Variants in TBC1D5 observed in about 807,000 individuals in gnomAD.
TBC1D5 encodes the protein TBC1 domain family, member 5.
In TBC1D5, 75 loss-of-function variants were observed where a neutral mutation model predicts 100.3. The ratio of observed to expected loss-of-function variants is 0.75; its 90% CI spans 0.62 to 0.91. The LOEUF (loss-of-function observed/expected upper bound fraction) is 0.91, where lower values mean the gene tolerates loss of function less well. TBC1D5 is among the 40% of genes least tolerant of loss of function. The probability of loss-of-function intolerance (pLI) is 0.00; values close to 1 mark genes in which losing one functional copy is unlikely to be tolerated. For missense variants in TBC1D5, 910 were observed against 942.4 expected, an observed-to-expected ratio of 0.97 and a Z score of 0.45; for synonymous variants, 323 against 325.6, an observed-to-expected ratio of 0.99 and a Z score of 0.09.
At chr3:17,676,372 GC>G (rs1477016215) in intron 1 of TBC1D5, among the ~76,000 whole-genome samples, 2 of 152,042 alleles carry the variant, frequency 1.3e-5, no homozygotes, top group Non-Finnish European at 1.5e-5. Context: ...CAAACAGAGG[GC>G]CAAATCACGA....
intron 19 of TBC1D5, among the ~76,000 whole-genome samples, chr3:17,176,705 T>G (rs1406924929): frequency 1.3e-5 from 2 of 151,666 alleles, no homozygotes; most frequent in Non-Finnish European, 2.9e-5. Flanking sequence ...ATGTAGATGA[T>G]GGGTTGATGG....
intron 14 of TBC1D5, among the ~76,000 whole-genome samples, chr3:17,301,068 C>CAG (rs2082773956): frequency 8.1e-6 from 1 of 123,730 alleles, no homozygotes. Context: ...AACTCCGTCT[C>CAG]AGAAAAAAAA....
chr3:17,303,835 T>C (rs1270114100), intron 14 of TBC1D5, among the ~76,000 whole-genome samples: 1 of 47,718 alleles, frequency 2.1e-5, no homozygotes, highest in Non-Finnish European at 4.8e-5. Context: ...ATCTACCTCT[T>C]TTTTTTTTTT....
At chr3:17,467,625 C>T (rs1047174291) in intron 3 of TBC1D5, among the ~76,000 whole-genome samples, 1 of 151,890 alleles carries the variant, frequency 6.6e-6, no homozygotes, top group African/African-American at 2.4e-5. Context: ...CAGTGGCTCA[C>T]GCATGTAAGG....
intron 3 of TBC1D5, among the ~76,000 whole-genome samples, chr3:17,472,737 C>T (rs180840478): frequency 7.2e-5 from 11 of 152,294 alleles, no homozygotes; most frequent in Admixed American, 5.9e-4. Flanking sequence ...TAAACAGCTA[C>T]TGAAAGAAGA....
chr3:17,712,293 T>C (rs1485098548), intron 1 of TBC1D5, among the ~76,000 whole-genome samples: 2 of 152,122 alleles, frequency 1.3e-5, no homozygotes, highest in East Asian at 3.9e-4. Flanking sequence ...ACAGAACTGA[T>C]GAACAAGAAT....
chr3:17,226,032 G>T (rs2074853609), intron 17 of TBC1D5, among the ~76,000 whole-genome samples: 1 of 151,808 alleles, frequency 6.6e-6, no homozygotes, highest in Non-Finnish European at 1.5e-5. Flanking sequence ...ATCCCCCACA[G>T]ATACTGAGGG....
At chr3:17,501,851 C>T (rs1159301487) in intron 3 of TBC1D5, among the ~76,000 whole-genome samples, 2 of 149,536 alleles carry the variant, frequency 1.3e-5, no homozygotes, top group African/African-American at 2.5e-5. Context: ...TTCAACTTGT[C>T]TCCAAGGTTA....
intron 13 of TBC1D5, among the ~76,000 whole-genome samples, chr3:17,327,194 C>T (rs1429724971): frequency 3.3e-5 from 5 of 152,098 alleles, no homozygotes; most frequent in Middle Eastern, 3.2e-3. Context: ...AATCTCTGTC[C>T]TCATGAAGTT....
At chr3:17,433,238 A>G (rs2094475944) in intron 3 of TBC1D5, among the ~76,000 whole-genome samples, 1 of 152,230 alleles carries the variant, frequency 6.6e-6, no homozygotes, top group Non-Finnish European at 1.5e-5. Context: ...AGCAGCGGAC[A>G]TGAATAGAAC....
rs1205997540 is a variant in TBC1D5 at position 17,197,480 on chromosome 3, G to A, written c.1753-12272C>T. 2.1e-4 allele frequency among the ~76,000 whole-genome samples: 32 copies of A among 152,026 alleles called. 1 individual carries two copies. Among genetic ancestry groups the A allele is most frequent in the Admixed American group, 2.0e-3 (31 of 15,246 alleles). ...CAGCCCTGAACTCCTAGGTTTAAGC[G>A]ATCTTTTCACCTCAACCTCCCAAAT... On this transcript the variant is annotated intron_variant, in intron 18 of 21. Coordinates refer to ENST00000253692, the Ensembl canonical transcript of TBC1D5.
intron 2 of TBC1D5, among the ~76,000 whole-genome samples, chr3:17,551,980 G>A (rs909465490): frequency 6.6e-6 from 1 of 151,926 alleles, no homozygotes; most frequent in Non-Finnish European, 1.5e-5. Flanking sequence ...AACACATATG[G>A]TATGTGTTGA....
chr3:17,559,685 G>C (rs1301955883), intron 2 of TBC1D5, among the ~76,000 whole-genome samples: 1 of 151,682 alleles, frequency 6.6e-6, no homozygotes, highest in African/African-American at 2.4e-5. Context: ...CACGTCCTGG[G>C]TTCAAGCGAT....
At position 17,280,538 on chromosome 3, in the gene TBC1D5, T is replaced by C. The variant is rs538394954; in HGVS notation, c.1245+11357A>G. On this transcript the variant is annotated intron_variant, in intron 15 of 21. Coordinates refer to ENST00000253692, the Ensembl canonical transcript of TBC1D5. Reference sequence around the variant, plus strand: ...AGAGAAGAGGAGAAGCAGCTAGACATTGGAGACTATGGTTTGACGTCAAAG... The same window carrying C: ...AGAGAAGAGGAGAAGCAGCTAGACACTGGAGACTATGGTTTGACGTCAAAG... Among the ~76,000 whole-genome samples, 2 of 152,142 alleles carry C rather than the reference T, an allele frequency of 1.3e-5. 1 individual carries two copies. Among genetic ancestry groups the C allele is most frequent in the South Asian group, 4.2e-4 (2 of 4,814 alleles).
chr3:17,339,694 T>C (rs1003323298), intron 13 of TBC1D5, among the ~76,000 whole-genome samples: 1 of 152,154 alleles, frequency 6.6e-6, no homozygotes. Context: ...ACACATGCCA[T>C]ATAGCAAAAA....
chr3:17,595,078 A>T (rs139798266), intron 2 of TBC1D5, among the ~76,000 whole-genome samples: 3 of 152,160 alleles, frequency 2.0e-5, no homozygotes, highest in Admixed American at 1.3e-4. Context: ...CTCCCAGCCT[A>T]CATCTTTCTC....
chr3:17,403,085 A>T, intron 8 of TBC1D5, 96 bp downstream of exon 8: 1 of 1,042,446 alleles, frequency 9.6e-7, no homozygotes, highest in East Asian at 2.8e-5. Flanking sequence ...TACTGCATTC[A>T]ATTAAGTTGA....
chr3:17,520,501 T>C (rs2096052703), intron 2 of TBC1D5, among the ~76,000 whole-genome samples: 1 of 152,150 alleles, frequency 6.6e-6, no homozygotes, highest in South Asian at 2.1e-4. Flanking sequence ...AGTTTCTTTA[T>C]AAATACTCAG....
rs142676940 is a variant in TBC1D5 at position 17,286,146 on chromosome 3, T to C, written c.1245+5749A>G. Among the ~76,000 whole-genome samples, 11 of 152,322 alleles carry C rather than the reference T, an allele frequency of 7.2e-5. No individual in the cohort carries two copies. The East Asian group carries it at 1.9e-3, about 27-fold the overall frequency. ...TAAGTCTTTATGATAAGGTTAACAC[T>C]TCAACACACAACACAAATAAGAGAA... On this transcript the variant is annotated intron_variant, in intron 15 of 21. Coordinates refer to ENST00000253692, the Ensembl canonical transcript of TBC1D5.
Sources: gnomAD v4.1 joint callset for allele counts (sites outside exome capture counted in the v4.1 genomes callset) on GRCh38, gnomAD v4.1.1 for gene constraint, MANE v1.5 for transcripts, NCBI Gene and HGNC (gene_info 2026-07-23, HGNC 2026-07-21) for gene names.